Variants in FAF1 observed in about 807,000 individuals in gnomAD.
FAF1 encodes Fas associated factor 1.
A neutral mutation model predicts 92.5 loss-of-function variants in FAF1; 25 were observed. The observed-to-expected ratio is 0.27, with a 90% CI of 0.20 to 0.38. The LOEUF (loss-of-function observed/expected upper bound fraction) is 0.38, where lower values mean the gene tolerates loss of function less well. Among genes scored for constraint, FAF1 ranks in the 10% least tolerant of loss-of-function variants. FAF1 has a pLI of 1.00. For synonymous variants in FAF1, 234 were observed against 273.2 expected (o/e 0.86, Z 1.42); for missense variants, 636 against 793.3 (o/e 0.80, Z 2.38).
At chr1:50,537,572 T>G (rs548152231) in intron 14 of FAF1, among the ~76,000 whole-genome samples, 1 of 152,292 alleles carries the variant, frequency 6.6e-6, no homozygotes, top group Admixed American at 6.5e-5. Flanking sequence ...TAAAATAAAT[T>G]TATCAATCCA....
At chr1:50,780,926 T>C (rs936004799) in intron 4 of FAF1, 3 of 488,552 alleles carry the variant, frequency 6.1e-6, no homozygotes, top group African/African-American at 1.9e-5. Flanking sequence ...AGGGCCAGAA[T>C]TGTGGTGGAA....
intron 1 of FAF1, among the ~76,000 whole-genome samples, chr1:50,933,770 G>A (rs747345768): frequency 6.6e-6 from 1 of 152,174 alleles, no homozygotes; most frequent in East Asian, 1.9e-4. Flanking sequence ...GGTTTAATTC[G>A]ATTTACAGTT....
At chr1:50,681,879 G>C (rs923911667) in intron 7 of FAF1, among the ~76,000 whole-genome samples, 2 of 151,550 alleles carry the variant, frequency 1.3e-5, no homozygotes, top group Non-Finnish European at 2.9e-5. Context: ...CTGTTCCCAG[G>C]ATGGAGTGCA....
Position 50,788,222 on chromosome 1 carries a change from AAAG to A in FAF1, c.162-20_162-18del, listed in dbSNP as rs1661433995. ...CCATATTCACTAAAATGTTGACATA[AAAG>A]AAGGATTATTGTCAACTAAATCATT... On this transcript the variant is annotated intron_variant, in intron 3 of 18. Coordinates refer to ENST00000396153, the MANE Select transcript of FAF1 (RefSeq NM_007051.3). The A allele has an allele frequency of 5.0e-6, 8 of 1,602,550 alleles. No homozygotes were observed. The highest frequency in any genetic ancestry group is 6.8e-6 in the Non-Finnish European group (8 of 1,169,648).
intron 15 of FAF1, among the ~76,000 whole-genome samples, chr1:50,509,603 A>G (rs1647107472): frequency 6.6e-6 from 1 of 151,986 alleles, no homozygotes; most frequent in African/African-American, 2.4e-5. Context: ...TGGAGTGAGA[A>G]TGTCAATAAA....
intron 2 of FAF1, among the ~76,000 whole-genome samples, chr1:50,837,116 C>T (rs533632634): frequency 2.6e-5 from 4 of 151,894 alleles, no homozygotes; most frequent in Non-Finnish European, 5.9e-5. Context: ...CGCCACCATG[C>T]CCAGCTAATT....
chr1:50,708,167 C>T (rs1657768273), intron 6 of FAF1, among the ~76,000 whole-genome samples: 1 of 152,124 alleles, frequency 6.6e-6, no homozygotes, highest in Non-Finnish European at 1.5e-5. Context: ...TACATTTATA[C>T]AAGATTATTC....
chr1:50,852,994 G>T (rs116725290), intron 2 of FAF1, among the ~76,000 whole-genome samples: 1 of 152,268 alleles, frequency 6.6e-6, no homozygotes, highest in Non-Finnish European at 1.5e-5. Context: ...ATCTTTTGTT[G>T]TAGCAAGCAT....
intron 1 of FAF1, among the ~76,000 whole-genome samples, chr1:50,871,999 A>C (rs1234933516): frequency 4.2e-5 from 6 of 144,536 alleles, no homozygotes; most frequent in African/African-American, 1.5e-4. Context: ...CGGGAGGCGG[A>C]GGTTGCAGTG....
At chr1:50,692,257 G>C (rs1186257828) in intron 7 of FAF1, among the ~76,000 whole-genome samples, 2 of 146,032 alleles carry the variant, frequency 1.4e-5, no homozygotes, top group African/African-American at 4.9e-5. Context: ...GTGTGTGTGT[G>C]TGTGTGTGTG....
chr1:50,666,259 T>C (rs930490173), intron 7 of FAF1, among the ~76,000 whole-genome samples: 4 of 152,176 alleles, frequency 2.6e-5, no homozygotes, highest in East Asian at 1.9e-4. Flanking sequence ...TGTCACCCAG[T>C]TGGAGTGAAG....
Position 50,583,843 on chromosome 1 carries a change from A to G in FAF1, c.968-128T>C, listed in dbSNP as rs748012550. The G allele has an allele frequency of 5.8e-5, 31 of 539,128 alleles. No homozygotes were observed. The highest frequency in any genetic ancestry group is 2.4e-4 in the Admixed American group (7 of 29,724). The allele number at this position is 539,128 out of a possible 1,614,324, so 33.4% of individuals were successfully genotyped here. The stretch of plus-strand genomic sequence containing the variant: ...ATCAATAAAGAGGAAATAAAATTAA[A>G]TTTTAGCTTCTGTGATATATCTGAG... On this transcript the variant is annotated intron_variant, in intron 10 of 18. Coordinates refer to ENST00000396153, the MANE Select transcript of FAF1 (RefSeq NM_007051.3). The surrounding 1 kb of genome is among the most constrained non-coding windows in gnomAD (Gnocchi z 4.2).
intron 2 of FAF1, among the ~76,000 whole-genome samples, chr1:50,833,911 A>G (rs765497901): frequency 2.0e-5 from 3 of 152,204 alleles, no homozygotes; most frequent in Non-Finnish European, 4.4e-5. Context: ...GCGCTCATGA[A>G]ACCACATTAC....
chr1:50,467,655 T>A (rs1447006128), intron 18 of FAF1, among the ~76,000 whole-genome samples: 3 of 152,142 alleles, frequency 2.0e-5, no homozygotes, highest in Non-Finnish European at 2.9e-5. Flanking sequence ...GACTGATTTA[T>A]TTCTTATTTG....
intron 1 of FAF1, among the ~76,000 whole-genome samples, chr1:50,859,918 G>T (rs1296289175): frequency 1.3e-5 from 2 of 151,918 alleles, no homozygotes. Flanking sequence ...TCATGGAACA[G>T]AATAGAGAAC....
In FAF1 at chr1:50,780,563, A is replaced by G. The variant is rs1041722394; in HGVS notation, c.367+7437T>C. On this transcript the variant is annotated intron_variant, in intron 4 of 18. Transcript: ENST00000396153. ...TGACTTTCACTCTTGACCACACAAC[A>G]TGCCAATCATCACTGGTAGCAAAAA... 6.7e-5 allele frequency: 14 copies of G among 208,256 alleles called. 1 individual carries two copies. Among genetic ancestry groups the G allele is most frequent in the Middle Eastern group, 8.9e-4 (1 of 1,120 alleles). The allele number at this position is 208,256 out of a possible 1,614,324, so 12.9% of individuals were successfully genotyped here.
chr1:50,449,881 T>G (rs571437079), intron 18 of FAF1, among the ~76,000 whole-genome samples: 1 of 152,114 alleles, frequency 6.6e-6, no homozygotes, highest in East Asian at 1.9e-4. Flanking sequence ...TAATAAGTAA[T>G]TATTAACATC....
chr1:50,946,069 A>G (rs879641608), intron 1 of FAF1, among the ~76,000 whole-genome samples: 3 of 152,240 alleles, frequency 2.0e-5, no homozygotes, highest in Admixed American at 6.5e-5. Flanking sequence ...AGTTTCCTCC[A>G]GAGGACGGGC....
intron 8 of FAF1, among the ~76,000 whole-genome samples, chr1:50,597,648 AATT>A (rs1295129390): frequency 6.6e-6 from 1 of 152,148 alleles, no homozygotes; most frequent in Admixed American, 6.6e-5. Context: ...TCACAAAAAT[AATT>A]ATTATTTTAC....
Sources: gnomAD v4.1 joint callset for allele counts (sites outside exome capture counted in the v4.1 genomes callset) on GRCh38, gnomAD v4.1.1 for gene constraint, Gnocchi (gnomAD v3.1) non-coding constraint, MANE v1.5 for transcripts, NCBI Gene and HGNC (gene_info 2026-07-23, HGNC 2026-07-21) for gene names.